Variants in COX15 observed in about 807,000 individuals in gnomAD.
COX15 encodes the protein heme A synthase COX15.
A neutral mutation model predicts 51.9 loss-of-function variants in COX15; 51 were observed. The observed-to-expected ratio is 0.98, with a 90% confidence interval of 0.78 to 1.24. The LOEUF (loss-of-function observed/expected upper bound fraction) is 1.24, where lower values mean the gene tolerates loss of function less well. Ranked by LOEUF, COX15 falls within the 50% of genes most tolerant of loss-of-function variation. The pLI, the probability that COX15 is intolerant of heterozygous loss-of-function variation, is 0.00. For synonymous variants in COX15, 188 were observed against 190.5 expected (o/e 0.99, Z 0.11); for missense variants, 420 against 501.1 (o/e 0.84, Z 1.55).
chr10:99,727,584 T>G (rs1421506174), intron 2 of COX15, 21 bp from the exon 3 acceptor site: 1 of 1,612,428 alleles, frequency 6.2e-7, no homozygotes, highest in Admixed American at 1.7e-5. Flanking sequence ...GAAAGAAATT[T>G]TGGGGTGTAT....
the COX15 span, among the ~76,000 whole-genome samples, chr10:99,694,576 A>G: frequency 7.3e-6 from 1 of 136,684 alleles, no homozygotes; most frequent in Non-Finnish European, 1.5e-5. Flanking sequence ...CACTCTTGTC[A>G]CTCAGGCTGG....
chr10:99,713,128 C>T lies in COX15; in HGVS notation c.*1459G>A, dbSNP rs2133561332. ...TTTGACTATGGCTGTGACACTTCTA[C>T]TGATAAAACCTGAAGTACCACTAAT... On this transcript the variant is annotated 3_prime_UTR_variant, in exon 9 of 9. Coordinates refer to ENST00000016171, the MANE Select transcript of COX15 (RefSeq NM_078470.6). 2 of 1,286,704 alleles carry T rather than the reference C, an allele frequency of 1.6e-6. No individual in the cohort carries two copies. Among genetic ancestry groups the T allele is most frequent in the East Asian group, 3.7e-5 (1 of 26,884 alleles). The allele number at this position is 1,286,704 out of a possible 1,614,324, so 79.7% of individuals were successfully genotyped here. A position where few individuals can be genotyped will look rare whatever the true frequency, so the allele number is the denominator to read the frequency against.
chr10:99,718,992 A>C (rs1046585225), intron 6 of COX15, among the ~76,000 whole-genome samples: 24 of 152,106 alleles, frequency 1.6e-4, no homozygotes, highest in African/African-American at 5.6e-4. Flanking sequence ...ATTTTTCTTC[A>C]TGGCACTAAA....
In COX15 at chr10:99,727,543, G is replaced by A. The variant is rs1315877896; in HGVS notation, c.293C>T (p.Ser98Leu). ...CTTTATTAAATGCCAATCTACCATC[G>A]AGAGGCCAGACTCTGTCAACCTTAG... Reference protein sequence around the residue: ...GVTRLTESGLSMVDWHLIKEM... With the variant: ...GVTRLTESGLLMVDWHLIKEM... Residue 98 changes from serine (S) to leucine (L), a missense_variant, in exon 3 of 9, where the codon TCG becomes TTG. By Grantham distance (145) the Ser-to-Leu change is moderately radical. Coordinates refer to ENST00000016171, the MANE Select transcript of COX15 (RefSeq NM_078470.6). The A allele has an allele frequency of 2.5e-6, 4 of 1,613,452 alleles. No individual in the cohort carries two copies. The highest frequency in any genetic ancestry group is 2.2e-5 in the East Asian group (1 of 44,880).
At chr10:99,698,635 T>TA in the COX15 span, 3 of 1,614,174 alleles carry the variant, frequency 1.9e-6, no homozygotes, top group Non-Finnish European at 2.5e-6. Flanking sequence ...AGCCAAGTCT[T>TA]ACATGTCCGA....
chr10:99,717,508 G>A (rs1336963004), intron 7 of COX15, among the ~76,000 whole-genome samples: 1 of 152,162 alleles, frequency 6.6e-6, no homozygotes. Flanking sequence ...ATTGCGCCCA[G>A]TGCTCTTATT....
Position 99,714,155 on chromosome 10 carries a change from A to G in COX15, c.*432T>C, listed in dbSNP as rs2133565994. 1 of 1,024,080 alleles carries G rather than the reference A, an allele frequency of 9.8e-7. No homozygotes were observed. Among genetic ancestry groups the G allele is most frequent in the East Asian group, 9.0e-5 (1 of 11,162 alleles). 63.4% of individuals were successfully genotyped at this position (1,024,080 alleles called of 1,614,324 possible). A position where few individuals can be genotyped will look rare whatever the true frequency, so the allele number is the denominator to read the frequency against. On this transcript the variant is annotated 3_prime_UTR_variant, in exon 9 of 9. Coordinates refer to ENST00000016171, the MANE Select transcript of COX15 (RefSeq NM_078470.6). ...TGAAGACCAGCTGGCTACTTTGGGT[A>G]TGTCAATCCTATCCTTTCAATCTTC...
intron 6 of COX15, among the ~76,000 whole-genome samples, chr10:99,720,236 G>A (rs2036716362): frequency 6.6e-6 from 1 of 152,160 alleles, no homozygotes. Context: ...CCTGAGGTCA[G>A]AAGTTCGAGG....
chr10:99,718,623 A>T (rs1187072449), intron 6 of COX15, 123 bp from the exon 7 acceptor site: 6 of 982,470 alleles, frequency 6.1e-6, no homozygotes, highest in African/African-American at 1.6e-5. Context: ...AGAATAATAG[A>T]CATATCTGCA....
intron 7 of COX15, 24 bp downstream of exon 7, chr10:99,718,322 C>A: frequency 6.2e-7 from 1 of 1,613,798 alleles, no homozygotes; most frequent in South Asian, 1.1e-5. Flanking sequence ...TGCTCTCTGG[C>A]AGGTAACCAC....
intron 7 of COX15, 47 bp downstream of exon 7, chr10:99,718,299 T>C (rs1358147378): frequency 1.2e-6 from 2 of 1,610,898 alleles, no homozygotes; most frequent in African/African-American, 1.3e-5. Context: ...CCAAAGCCTA[T>C]GATAGGCTCC....
At chr10:99,710,581 C>T, downstream of COX15, 2 of 985,356 alleles carry the variant, frequency 2.0e-6, no homozygotes, top group Non-Finnish European at 2.4e-6. Context: ...CACTGACAAA[C>T]ATTTTAGGTC....
At chr10:99,701,080 C>T in the COX15 span, 1 of 1,585,468 alleles carries the variant, frequency 6.3e-7, no homozygotes, top group Non-Finnish European at 8.7e-7. Flanking sequence ...CCCTTTCCTC[C>T]TTAGATGTGG....
chr10:99,710,051 C>A, downstream of COX15: 1 of 985,460 alleles, frequency 1.0e-6, no homozygotes, highest in Non-Finnish European at 1.2e-6. Context: ...GCCACACATG[C>A]ATGACTTCAG....
downstream of COX15, among the ~76,000 whole-genome samples, chr10:99,708,498 C>A (rs201016892): frequency 2.4e-4 from 37 of 152,206 alleles, no homozygotes; most frequent in East Asian, 7.0e-3. Flanking sequence ...AGTCACTTAC[C>A]ATCTCTGGTT....
At chr10:99,698,320 G>T in the COX15 span, among the ~76,000 whole-genome samples, 3 of 152,082 alleles carry the variant, frequency 2.0e-5, no homozygotes. Context: ...CTAAAATGTC[G>T]AACAGAATTG....
chr10:99,698,826 T>C, the COX15 span: 1 of 1,607,862 alleles, frequency 6.2e-7, no homozygotes, highest in Non-Finnish European at 8.5e-7. Flanking sequence ...TGGTGGCCGC[T>C]ACCATGGGCC....
chr10:99,712,253 TAC>T lies in COX15; in HGVS notation c.*2332_*2333del, dbSNP rs2036418524. The T allele has an allele frequency of 7.1e-6, 7 of 985,248 alleles. No individual in the cohort carries two copies. The highest frequency in any genetic ancestry group is 4.7e-5 in the South Asian group (1 of 21,276). 61.0% of individuals were successfully genotyped at this position (985,248 alleles called of 1,614,324 possible). On this transcript the variant is annotated 3_prime_UTR_variant, in exon 9 of 9. Transcript: ENST00000016171. ...TGGTACACTACAGGTCACAGAAACT[TAC>T]AGAGTACTGGAGTTGAAAGAGAACT...
At chr10:99,696,320 T>C in the COX15 span, among the ~76,000 whole-genome samples, 2 of 152,220 alleles carry the variant, frequency 1.3e-5, no homozygotes, top group African/African-American at 4.8e-5. Context: ...TGATCTTTGT[T>C]ATTAGGACTC....
Sources: allele counts gnomAD v4.1 joint callset (sites outside exome capture counted in the v4.1 genomes callset), GRCh38; gene constraint gnomAD v4.1.1; transcripts MANE v1.5; gene names NCBI Gene and HGNC (gene_info 2026-07-23, HGNC 2026-07-21).